LINGO2: variants seen among roughly 807,000 people sequenced by gnomAD.
The protein encoded by LINGO2 is leucine-rich repeat and immunoglobulin-like domain-containing nogo receptor-interacting protein 2.
A neutral mutation model predicts 30.6 loss-of-function variants in LINGO2; 14 were observed. That is an observed-to-expected ratio of 0.46 (90% CI 0.30 to 0.72). The LOEUF (loss-of-function observed/expected upper bound fraction) is 0.72, where lower values mean the gene tolerates loss of function less well. LINGO2 is among the 30% of genes least tolerant of loss of function. The pLI is 0.07. For missense variants in LINGO2, 729 were observed against 751.7 expected (o/e 0.97, Z 0.35); for synonymous variants, 317 against 288.5 (o/e 1.10, Z -1.00).
At chr9:28,049,446 G>A (rs1463074962) in intron 4 of LINGO2, among the ~76,000 whole-genome samples, 1 of 150,474 alleles carries the variant, frequency 6.6e-6, no homozygotes, top group Non-Finnish European at 1.5e-5. Context: ...GGTAGAGTTA[G>A]CGAGGCAAAA....
chr9:29,002,103 C>A, the LINGO2 span, among the ~76,000 whole-genome samples: 4 of 152,114 alleles, frequency 2.6e-5, no homozygotes, highest in Admixed American at 1.3e-4. Flanking sequence ...CTGTCTGAGA[C>A]AATCTGAGTC....
At chr9:28,901,439 G>C in the LINGO2 span, among the ~76,000 whole-genome samples, 10 of 151,986 alleles carry the variant, frequency 6.6e-5, no homozygotes, top group African/African-American at 2.4e-4. Context: ...CTGTGGGTCT[G>C]TGCAATCACT....
At chr9:28,867,094 G>A in the LINGO2 span, among the ~76,000 whole-genome samples, 1 of 152,108 alleles carries the variant, frequency 6.6e-6, no homozygotes, top group Admixed American at 6.6e-5. Flanking sequence ...TAAAACAGCT[G>A]CAGAACTGAC....
At chr9:28,099,239 A>C (rs1175511821) in intron 4 of LINGO2, among the ~76,000 whole-genome samples, 1 of 152,142 alleles carries the variant, frequency 6.6e-6, no homozygotes, top group Non-Finnish European at 1.5e-5. Flanking sequence ...ACTGACTATC[A>C]GTGGAGCAAA....
intron 1 of LINGO2, among the ~76,000 whole-genome samples, chr9:28,665,977 C>G (rs576075369): frequency 5.3e-5 from 8 of 151,194 alleles, no homozygotes; most frequent in African/African-American, 1.9e-4. Context: ...ACTGCAACCT[C>G]CGCCTCTGGG....
intron 4 of LINGO2, among the ~76,000 whole-genome samples, chr9:28,250,993 G>A (rs1219245700): frequency 5.3e-5 from 8 of 151,934 alleles, no homozygotes; most frequent in South Asian, 2.1e-4. Context: ...CCTGTTCTTC[G>A]CCTCCACCTG....
At chr9:28,455,186 A>T (rs1366765005) in intron 2 of LINGO2, among the ~76,000 whole-genome samples, 1 of 152,018 alleles carries the variant, frequency 6.6e-6, no homozygotes, top group African/African-American at 2.4e-5. Flanking sequence ...ACACAATGGG[A>T]GACATCGGTT....
the LINGO2 span, among the ~76,000 whole-genome samples, chr9:28,873,645 C>T: frequency 1.3e-5 from 2 of 152,104 alleles, no homozygotes; most frequent in Admixed American, 1.3e-4. Context: ...TATAAAGCCC[C>T]CCAAGGATGT....
chr9:28,990,411 C>G, the LINGO2 span, among the ~76,000 whole-genome samples: 1 of 152,322 alleles, frequency 6.6e-6, no homozygotes, highest in South Asian at 2.1e-4. Context: ...TCTGTAGGCT[C>G]CACCTCTGGG....
the LINGO2 span, among the ~76,000 whole-genome samples, chr9:28,793,822 C>A: frequency 1.3e-5 from 2 of 152,182 alleles, no homozygotes. Flanking sequence ...ATCTGGTAAT[C>A]CAATTCTGCA....
intron 4 of LINGO2, among the ~76,000 whole-genome samples, chr9:28,251,536 T>C (rs1022857209): frequency 1.3e-5 from 2 of 152,104 alleles, no homozygotes; most frequent in African/African-American, 4.8e-5. Context: ...GGATCATACC[T>C]GCCTGATTAT....
intron 1 of LINGO2, among the ~76,000 whole-genome samples, chr9:28,540,901 C>T (rs1274991396): frequency 6.6e-6 from 1 of 152,178 alleles, no homozygotes; most frequent in Non-Finnish European, 1.5e-5. Context: ...TCAGAGTGTA[C>T]ATTAACTTTT....
chr9:28,838,806 A>G, the LINGO2 span, among the ~76,000 whole-genome samples: 2 of 152,168 alleles, frequency 1.3e-5, no homozygotes, highest in African/African-American at 4.8e-5. Flanking sequence ...ACACTTGGCT[A>G]TGTTACCAGC....
the LINGO2 span, among the ~76,000 whole-genome samples, chr9:28,956,274 G>A: frequency 2.6e-5 from 4 of 152,080 alleles, no homozygotes; most frequent in African/African-American, 9.6e-5. Context: ...AGTTGGAGAG[G>A]GGAAAAAAAC....
At chr9:27,956,431 GTA>G (rs1181031028) in intron 5 of LINGO2, among the ~76,000 whole-genome samples, 2 of 152,088 alleles carry the variant, frequency 1.3e-5, no homozygotes, top group African/African-American at 4.8e-5. Flanking sequence ...TAAATGTTAT[GTA>G]TATATTCTAA....
intron 2 of LINGO2, among the ~76,000 whole-genome samples, chr9:28,422,300 A>T (rs1472096303): frequency 6.6e-6 from 1 of 152,084 alleles, no homozygotes; most frequent in African/African-American, 2.4e-5. Flanking sequence ...TATATAAATA[A>T]TTCCTACAAC....
the LINGO2 span, among the ~76,000 whole-genome samples, chr9:28,812,135 A>G: frequency 6.6e-6 from 1 of 152,072 alleles, no homozygotes; most frequent in East Asian, 1.9e-4. Context: ...AGAATTTTAA[A>G]CACTTACATA....
chr9:28,109,514 A>C (rs1826706685), intron 4 of LINGO2, among the ~76,000 whole-genome samples: 1 of 152,120 alleles, frequency 6.6e-6, no homozygotes. Flanking sequence ...TCACCCCCAA[A>C]ACTCCTTAAG....
intron 3 of LINGO2, among the ~76,000 whole-genome samples, chr9:28,341,722 T>C (rs556720234): frequency 6.6e-6 from 1 of 152,270 alleles, no homozygotes; most frequent in African/African-American, 2.4e-5. Flanking sequence ...CCATATAGCG[T>C]GTGTTTCTAA....
Sources: allele counts gnomAD v4.1 joint callset (sites outside exome capture counted in the v4.1 genomes callset), GRCh38; gene constraint gnomAD v4.1.1; transcripts MANE v1.5; gene names NCBI Gene and HGNC (gene_info 2026-07-23, HGNC 2026-07-21).